Variants in FRAS1 observed in about 807,000 individuals in gnomAD.
The protein encoded by FRAS1 is extracellular matrix organizing protein FRAS1.
In FRAS1, 290 loss-of-function variants were observed where a neutral mutation model predicts 435.2. That is an observed-to-expected ratio of 0.67 (90% CI 0.61 to 0.73). FRAS1 has a LOEUF of 0.73. Among genes scored for constraint, FRAS1 ranks in the 30% least tolerant of loss-of-function variants. FRAS1 has a pLI of 0.00. For missense variants in FRAS1, 4,860 were observed against 5,001.5 expected (o/e 0.97, Z 0.85); for synonymous variants, 1,800 against 1,851.0 (o/e 0.97, Z 0.71).
rs1362075500 is a variant in FRAS1, at chr4:78,333,400, G to C, written c.2266G>C (p.Gly756Arg). The C allele has an allele frequency of 5.0e-6, 8 of 1,611,440 alleles. No individual in the cohort carries two copies. Among genetic ancestry groups the C allele is most frequent in the Middle Eastern group, 3.3e-4 (2 of 6,054 alleles). ...CCCAGATGGCTACTTTCACCAGGAA[G>C]GTAGTTGCACAGGTGAGTATGTAAT... The part of the protein sequence containing the change: ...QCPDGYFHQE[G>R]SCTECHPTCR... The change falls in exon 19 of 74, where the codon GGT becomes CGT. Residue 756 changes from glycine to arginine, a missense_variant. Physicochemically the swap from Gly to Arg is moderately radical, Grantham distance 125. Coordinates refer to ENST00000512123, the MANE Select transcript of FRAS1 (RefSeq NM_025074.7).
At chr4:78,122,860 T>C (rs1381248282) in intron 2 of FRAS1, among the ~76,000 whole-genome samples, 1 of 152,258 alleles carries the variant, frequency 6.6e-6, no homozygotes, top group Non-Finnish European at 1.5e-5. Flanking sequence ...AAGTTCTTTG[T>C]AGATTTTGGA....
intron 31 of FRAS1, among the ~76,000 whole-genome samples, chr4:78,410,758 A>G (rs1220637222): frequency 1.3e-5 from 2 of 152,204 alleles, no homozygotes; most frequent in African/African-American, 2.4e-5. Context: ...CAGAGTTCCT[A>G]TGTGATTTGT....
intron 9 of FRAS1, among the ~76,000 whole-genome samples, chr4:78,276,958 T>G (rs1484499759): frequency 6.6e-6 from 1 of 152,204 alleles, no homozygotes; most frequent in Admixed American, 6.5e-5. Flanking sequence ...TGCAGTGGGC[T>G]CTACCCAGTT....
At chr4:78,479,202 G>C (rs1417112813) in intron 55 of FRAS1, among the ~76,000 whole-genome samples, 172 bp from the exon 56 acceptor site, 2 of 152,186 alleles carry the variant, frequency 1.3e-5, no homozygotes, top group Admixed American at 6.5e-5. Context: ...TCCTCAAGTG[G>C]TTTATACCAC....
At chr4:78,321,821 AGTTAACAAAACTTCGTC>A (rs1489007671) in intron 18 of FRAS1, among the ~76,000 whole-genome samples, 6 of 138,500 alleles carry the variant, frequency 4.3e-5, no homozygotes, top group African/African-American at 1.4e-4. Flanking sequence ...TCCAGCCTGG[AGTTAACAAAACTTCGTC>A]AAAAAAAAAA....
chr4:78,337,434 G>C (rs142012898), intron 19 of FRAS1, among the ~76,000 whole-genome samples: 2 of 152,104 alleles, frequency 1.3e-5, no homozygotes, highest in Admixed American at 1.3e-4. Flanking sequence ...ATGTGTGGCC[G>C]ATTTCTCACA....
rs763674316 is a variant in FRAS1 at position 78,286,497 on chromosome 4, A to G, written c.1492A>G (p.Thr498Ala). ...LLMRHGQCVP[T>A]CGDGFYQDRH... ...GATGCGGCACGGGCAGTGTGTGCCT[A>G]CCTGTGGGGACGGCTTCTACCAAGA... The change falls in exon 14 of 74, where the codon ACC (threonine) becomes GCC (alanine). Residue 498 changes from threonine (T) to alanine (A), a missense_variant. Transcript: ENST00000512123. 5.6e-6 allele frequency: 9 copies of G among 1,613,366 alleles called. No homozygotes were observed. In the Admixed American group the frequency reaches 1.3e-4, roughly 24 times the overall value.
At chr4:78,096,228 C>G (rs1369273165) in intron 2 of FRAS1, among the ~76,000 whole-genome samples, 1 of 152,240 alleles carries the variant, frequency 6.6e-6, no homozygotes, top group Admixed American at 6.5e-5. Context: ...CCCGGTCACA[C>G]TGATGCAAGA....
chr4:78,155,555 G>T (rs1720849499), intron 2 of FRAS1, among the ~76,000 whole-genome samples: 1 of 152,186 alleles, frequency 6.6e-6, no homozygotes, highest in African/African-American at 2.4e-5. Context: ...CAAGTTAACT[G>T]ATAATACACA....
intron 20 of FRAS1, among the ~76,000 whole-genome samples, chr4:78,339,690 T>C (rs185228187): frequency 1.3e-5 from 2 of 152,212 alleles, no homozygotes; most frequent in East Asian, 3.9e-4. Flanking sequence ...ACAAACATGG[T>C]TGGTATTAAA....
intron 2 of FRAS1, among the ~76,000 whole-genome samples, chr4:78,113,276 C>T (rs1011096144): frequency 5.9e-5 from 9 of 152,046 alleles, no homozygotes; most frequent in South Asian, 4.2e-4. Context: ...TGAATAGTGC[C>T]GCAACAAACA....
chr4:78,338,781 G>A (rs927464321), intron 20 of FRAS1, among the ~76,000 whole-genome samples: 2 of 152,230 alleles, frequency 1.3e-5, no homozygotes, highest in Non-Finnish European at 2.9e-5. Context: ...CATCTCGGCT[G>A]TTCGGTCTGG....
chr4:78,426,481 G>A (rs1240657964), intron 35 of FRAS1, among the ~76,000 whole-genome samples: 1 of 152,092 alleles, frequency 6.6e-6, no homozygotes, highest in Non-Finnish European at 1.5e-5. Context: ...GTTTTGGAGA[G>A]TTTTGTGAGA....
intron 35 of FRAS1, among the ~76,000 whole-genome samples, chr4:78,424,872 G>A (rs1347312022): frequency 3.9e-5 from 6 of 151,908 alleles, no homozygotes; most frequent in Non-Finnish European, 8.8e-5. Context: ...CAAGGCTAGA[G>A]TGAGCTATGA....
chr4:78,304,428 A>AC (rs1728595437), intron 14 of FRAS1, among the ~76,000 whole-genome samples: 1 of 152,200 alleles, frequency 6.6e-6, no homozygotes, highest in Non-Finnish European at 1.5e-5. Context: ...TTCAGAAGGA[A>AC]TGGTACCAAT....
At chr4:78,112,220 A>G (rs1407389472) in intron 2 of FRAS1, among the ~76,000 whole-genome samples, 2 of 152,140 alleles carry the variant, frequency 1.3e-5, no homozygotes, top group Admixed American at 6.6e-5. Context: ...TAATAACATT[A>G]TTTTACCATA....
intron 34 of FRAS1, among the ~76,000 whole-genome samples, chr4:78,423,871 T>C (rs1249838793): frequency 6.6e-6 from 1 of 152,184 alleles, no homozygotes; most frequent in Non-Finnish European, 1.5e-5. Context: ...ATGTCAGCCG[T>C]GGTTGAAGTC....
In FRAS1 at chr4:78,115,796, A is replaced by AT. The variant is rs913923932; in HGVS notation, c.108+49786dup. Among the ~76,000 whole-genome samples the AT allele has an allele frequency of 6.1e-4, 93 of 151,590 alleles. 3 individuals are homozygous for AT. The highest frequency in any genetic ancestry group is 2.1e-3 in the African/African-American group (88 of 41,380). On this transcript the variant is annotated intron_variant, in intron 2 of 73. Coordinates refer to ENST00000512123, the MANE Select transcript of FRAS1 (RefSeq NM_025074.7). ...AAAAAATCAGCTCCTGGATTCATTGATTTTTTGAAGTTTTTTTTGTGTGTC... is the reference window on the plus strand; with the variant it reads ...AAAAAATCAGCTCCTGGATTCATTGATTTTTTTGAAGTTTTTTTTGTGTGTC...
intron 46 of FRAS1, 68 bp from the exon 47 acceptor site, chr4:78,452,107 C>T: frequency 6.6e-7 from 1 of 1,517,146 alleles, no homozygotes; most frequent in Non-Finnish European, 9.1e-7. Flanking sequence ...TTCTTGGCAC[C>T]AGGCCTAGAA....
Sources: allele counts gnomAD v4.1 joint callset (sites outside exome capture counted in the v4.1 genomes callset), GRCh38; gene constraint gnomAD v4.1.1; transcripts MANE v1.5; gene names NCBI Gene and HGNC (gene_info 2026-07-23, HGNC 2026-07-21).